SHISA6: variants seen among roughly 807,000 people sequenced by gnomAD.
The protein encoded by SHISA6 is shisa family member 6.
Under a neutral mutation model 47.9 loss-of-function variants are expected in SHISA6, and 22 were observed. The ratio of observed to expected loss-of-function variants is 0.46; its 90% confidence interval spans 0.33 to 0.66. SHISA6 has a LOEUF of 0.66. Ranked by LOEUF, SHISA6 falls within the 30% of genes least tolerant of loss-of-function variation. The pLI, the probability that SHISA6 is intolerant of heterozygous loss-of-function variation, is 0.02. For synonymous variants in SHISA6, 388 were observed against 337.8 expected, an observed-to-expected ratio of 1.15 and a Z score of -1.63; for missense variants, 680 against 764.6, an observed-to-expected ratio of 0.89 and a Z score of 1.30.
intron 3 of SHISA6, among the ~76,000 whole-genome samples, chr17:11,431,681 G>A (rs564460415): frequency 3.3e-5 from 5 of 152,254 alleles, no homozygotes; most frequent in South Asian, 4.1e-4. Context: ...AGAGCTATCC[G>A]TTCCCTGTTT....
intron 2 of SHISA6, among the ~76,000 whole-genome samples, chr17:11,276,751 G>A (rs1049452711): frequency 4.0e-5 from 6 of 151,482 alleles, no homozygotes; most frequent in Admixed American, 1.3e-4. Flanking sequence ...TCATCACCAC[G>A]ACCATCATCA....
chr17:11,248,669 G>A (rs933575438), intron 1 of SHISA6, among the ~76,000 whole-genome samples: 4 of 151,962 alleles, frequency 2.6e-5, no homozygotes, highest in African/African-American at 4.8e-5. Context: ...GATCTTCCCC[G>A]CTCCTTTTGC....
At chr17:11,383,279 C>T (rs11653821) in intron 3 of SHISA6, among the ~76,000 whole-genome samples, 22,130 of 152,046 alleles carry the variant, frequency 0.15, 1,647 homozygotes, top group South Asian at 0.23. Context: ...AGCTTGGAGA[C>T]AGAAGCACCG....
At chr17:11,343,552 G>A (rs16944612) in intron 2 of SHISA6, among the ~76,000 whole-genome samples, 32,230 of 143,430 alleles carry the variant, frequency 0.22, 3,813 homozygotes, top group African/African-American at 0.37. Context: ...GTACCCTGAC[G>A]TTGTCTGCCT....
intron 2 of SHISA6, among the ~76,000 whole-genome samples, chr17:11,350,178 A>ATTTTTTTTTTTTTTTTTTTT (rs199879665): frequency 9.9e-6 from 1 of 101,160 alleles, no homozygotes; most frequent in African/African-American, 3.9e-5. Flanking sequence ...TTATTTATTT[A>ATTTTTTTTTTTTTTTTTTTT]TTTATTTTTT....
intron 3 of SHISA6, among the ~76,000 whole-genome samples, chr17:11,423,273 A>T (rs1387592793): frequency 2.7e-5 from 4 of 147,558 alleles, no homozygotes; most frequent in African/African-American, 7.5e-5. Context: ...TATATATGGC[A>T]GTAACATATA....
At chr17:11,401,593 G>A (rs1363130902) in intron 3 of SHISA6, among the ~76,000 whole-genome samples, 1 of 152,154 alleles carries the variant, frequency 6.6e-6, no homozygotes, top group Non-Finnish European at 1.5e-5. Context: ...CATGTAATGG[G>A]GTTCTATAGT....
At chr17:11,550,202 A>C (rs1485954390) in intron 3 of SHISA6, among the ~76,000 whole-genome samples, 2 of 152,014 alleles carry the variant, frequency 1.3e-5, no homozygotes, top group East Asian at 3.9e-4. Context: ...TTACAGGCAC[A>C]TGCCACCCCA....
intron 3 of SHISA6, among the ~76,000 whole-genome samples, chr17:11,420,273 T>G (rs771114538): frequency 6.6e-6 from 1 of 152,180 alleles, no homozygotes; most frequent in Non-Finnish European, 1.5e-5. Context: ...CGGGACTGGT[T>G]GTATAACATT....
At chr17:11,361,285 A>C (rs1468970720) in intron 2 of SHISA6, among the ~76,000 whole-genome samples, 1 of 152,142 alleles carries the variant, frequency 6.6e-6, no homozygotes, top group African/African-American at 2.4e-5. Flanking sequence ...CTGCTAGTAA[A>C]TTAGTCTGAG....
chr17:11,515,592 G>A (rs553485614), intron 3 of SHISA6, among the ~76,000 whole-genome samples: 12 of 152,238 alleles, frequency 7.9e-5, no homozygotes, highest in African/African-American at 2.6e-4. Flanking sequence ...TGGCTCCTGC[G>A]TGATCCTACG....
rs145298214 is a variant in SHISA6, at chr17:11,418,361, A to C, written c.895+38852A>C. ...TTCTTTTTCACTCCATTGCATTGTC[A>C]TGAGAGATTTCTTTGTTACATTTCT... is the stretch of plus-strand genomic sequence containing the variant. On this transcript the variant is annotated intron_variant, in intron 3 of 5. Coordinates refer to ENST00000441885, the MANE Select transcript of SHISA6 (RefSeq NM_207386.4). Among the ~76,000 whole-genome samples the C allele has an allele frequency of 1.9e-3, 285 of 152,220 alleles. 1 individual carries two copies. The highest frequency in any genetic ancestry group is 6.4e-3 in the African/African-American group (266 of 41,542).
chr17:11,247,985 A>G (rs1907656945), intron 1 of SHISA6, among the ~76,000 whole-genome samples: 1 of 152,158 alleles, frequency 6.6e-6, no homozygotes, highest in Non-Finnish European at 1.5e-5. Flanking sequence ...CATGTTAGCC[A>G]GAATGGTCTC....
chr17:11,300,869 A>T (rs892265272), intron 2 of SHISA6, among the ~76,000 whole-genome samples: 1 of 60,192 alleles, frequency 1.7e-5, no homozygotes. Flanking sequence ...ACACAGCCCC[A>T]CCCTCCCGCC....
At chr17:11,327,947 G>GTCTC (rs35735045) in intron 2 of SHISA6, among the ~76,000 whole-genome samples, 6 of 150,690 alleles carry the variant, frequency 4.0e-5, no homozygotes, top group Admixed American at 1.3e-4. Context: ...CTGTCTCTCT[G>GTCTC]TCTCTCTCTC....
chr17:11,538,809 A>C (rs2071808776), intron 3 of SHISA6, among the ~76,000 whole-genome samples: 1 of 152,218 alleles, frequency 6.6e-6, no homozygotes, highest in Non-Finnish European at 1.5e-5. Context: ...TTGCAGGCTC[A>C]AGGCCAGGAT....
chr17:11,493,826 A>G (rs1188240945), intron 3 of SHISA6, among the ~76,000 whole-genome samples: 1 of 152,212 alleles, frequency 6.6e-6, no homozygotes, highest in Non-Finnish European at 1.5e-5. Flanking sequence ...GATGGATAGA[A>G]TGGAAAAGGA....
At chr17:11,273,542 G>A (rs1165807356) in intron 2 of SHISA6, among the ~76,000 whole-genome samples, 2 of 152,224 alleles carry the variant, frequency 1.3e-5, no homozygotes, top group Non-Finnish European at 2.9e-5. Context: ...CAGCTTGAGA[G>A]GAAGGCTGGC....
chr17:11,432,895 G>C (rs917911541), intron 3 of SHISA6, among the ~76,000 whole-genome samples: 2 of 152,156 alleles, frequency 1.3e-5, no homozygotes, highest in Non-Finnish European at 2.9e-5. Flanking sequence ...GCCTGGGGCT[G>C]GAGAGCAGGA....
Sources: allele counts gnomAD v4.1 joint callset (sites outside exome capture counted in the v4.1 genomes callset), GRCh38; gene constraint gnomAD v4.1.1; transcripts MANE v1.5; gene names NCBI Gene and HGNC (gene_info 2026-07-23, HGNC 2026-07-21).